ZC3H18: variants seen among roughly 807,000 people sequenced by gnomAD.
ZC3H18 encodes the protein zinc finger CCCH domain-containing protein 18.
A neutral mutation model predicts 106.1 loss-of-function variants in ZC3H18; 8 were observed. The observed-to-expected ratio is 0.08, with a 90% confidence interval of 0.04 to 0.14. The LOEUF (loss-of-function observed/expected upper bound fraction) is 0.14. ZC3H18 is among the 10% of genes least tolerant of loss of function. The pLI is 1.00. For missense variants in ZC3H18, 1,318 were observed against 1,278.4 expected (o/e 1.03, Z -0.47); for synonymous variants, 635 against 522.1 (o/e 1.22, Z -2.95).
At chr16:88,570,638 GGCGGCGGCC>G (rs1914333806) in intron 1 of ZC3H18, 72 bp downstream of exon 1, 1 of 150,486 alleles carries the variant, frequency 6.6e-6, no homozygotes, top group Non-Finnish European at 1.5e-5. Context: ...CCGAGGCGGC[GGCGGCGGCC>G]GCGGGAGGGA....
At chr16:88,597,909 G>C (rs566512227) in intron 3 of ZC3H18, among the ~76,000 whole-genome samples, 3 of 152,358 alleles carry the variant, frequency 2.0e-5, no homozygotes, top group African/African-American at 7.2e-5. Flanking sequence ...TGATACGCGT[G>C]AACTCTCCAC....
Position 88,630,763 on chromosome 16 carries a change from C to CA in ZC3H18, c.2663+182_2663+183insA, listed in dbSNP as rs1567602547. Among the ~76,000 whole-genome samples the CA allele has an allele frequency of 2.2e-4, 25 of 112,772 alleles. 2 individuals are homozygous for CA. The highest frequency in any genetic ancestry group is 4.2e-4 in the African/African-American group (14 of 33,298). 74.0% of individuals were successfully genotyped at this position (112,772 alleles called of 152,430 possible). A position where few individuals can be genotyped will look rare whatever the true frequency, so the allele number is the denominator to read the frequency against. On this transcript the variant is annotated intron_variant, in intron 17 of 17. Coordinates refer to ENST00000301011, the MANE Select transcript of ZC3H18 (RefSeq NM_144604.4). ...ATTGCAGCCCCACCCCCCACCCCCC[C>CA]CCACACACACACACACGCTCCTGCC...
intron 2 of ZC3H18, among the ~76,000 whole-genome samples, chr16:88,579,556 G>A (rs974065769): frequency 5.3e-5 from 8 of 152,168 alleles, no homozygotes; most frequent in African/African-American, 1.9e-4. Flanking sequence ...CGGGCGGTGC[G>A]GTAGATGGGT....
At chr16:88,576,990 G>T in intron 1 of ZC3H18, 120 bp from the exon 2 acceptor site, 1 of 994,616 alleles carries the variant, frequency 1.0e-6, no homozygotes, top group East Asian at 2.6e-5. Context: ...GTGGGATTTG[G>T]GGCAGGGCCG....
intron 3 of ZC3H18, among the ~76,000 whole-genome samples, chr16:88,588,783 G>A (rs563219618): frequency 4.6e-4 from 70 of 152,156 alleles, no homozygotes; most frequent in Non-Finnish European, 3.5e-4. Context: ...GGGGGGTGGG[G>A]GCTGACAGGG....
chr16:88,587,617 C>T (rs1231797953), intron 3 of ZC3H18: 4 of 1,534,418 alleles, frequency 2.6e-6, no homozygotes, highest in Admixed American at 2.0e-5. Context: ...GTTAAAGGTA[C>T]AAAATACGCT....
chr16:88,615,615 C>CAT (rs1290380712), intron 8 of ZC3H18, among the ~76,000 whole-genome samples: 1 of 152,182 alleles, frequency 6.6e-6, no homozygotes, highest in Non-Finnish European at 1.5e-5. Context: ...TCCAGATTCA[C>CAT]AAAATAGGGG....
At chr16:88,602,138 C>T (rs555200024) in intron 6 of ZC3H18, among the ~76,000 whole-genome samples, 74 of 152,334 alleles carry the variant, frequency 4.9e-4, no homozygotes, top group Middle Eastern at 3.4e-3. Flanking sequence ...CCAGCCTTCT[C>T]GGTCCTACCT....
chr16:88,589,673 C>G (rs537815486), intron 3 of ZC3H18, among the ~76,000 whole-genome samples: 1 of 150,668 alleles, frequency 6.6e-6, no homozygotes, highest in African/African-American at 2.5e-5. Context: ...TCCACAGAGA[C>G]AGAAAGTAGA....
rs1476387826 is a variant in ZC3H18 at position 88,625,233 on chromosome 16, G to GGTAGCA, written c.2076_2081dup (p.Ser693_Ser694dup). ...GCTAAGCGGCAGCGGCAGTGGCAGTGGTAGCAGCTATAGTGGTTCCAGCTC... is the reference window on the plus strand; with the variant it reads ...GCTAAGCGGCAGCGGCAGTGGCAGTGGTAGCAGTAGCAGCTATAGTGGTTCCAGCTC... On this transcript the variant is annotated inframe_insertion, in exon 13 of 18. Coordinates refer to ENST00000301011, the MANE Select transcript of ZC3H18 (RefSeq NM_144604.4). The GGTAGCA allele has an allele frequency of 1.3e-6, 2 of 1,593,524 alleles. No individual in the cohort carries two copies. The highest frequency in any genetic ancestry group is 1.7e-6 in the Non-Finnish European group (2 of 1,170,356).
Position 88,631,125 on chromosome 16 carries a change from C to G in ZC3H18, c.2688C>G (p.Ser896=). Residue 896 remains serine, a synonymous_variant, in exon 18 of 18, where the codon TCC becomes TCG. Coordinates refer to ENST00000301011, the MANE Select transcript of ZC3H18 (RefSeq NM_144604.4). ...GGAAGCGCCAGCTGTCACCCCAGTC[C>G]AAGAGCTCCAGCAAGGTCACGAGCG... ...ADRKRQLSPQ[S]KSSSKVTSVP... 1 of 1,612,804 alleles carries G rather than the reference C, an allele frequency of 6.2e-7. No individual in the cohort carries two copies. Among genetic ancestry groups the G allele is most frequent in the Non-Finnish European group, 8.5e-7 (1 of 1,180,006 alleles).
chr16:88,585,018 G>T (rs1046726500), intron 2 of ZC3H18, among the ~76,000 whole-genome samples: 2 of 152,214 alleles, frequency 1.3e-5, no homozygotes, highest in African/African-American at 4.8e-5. Flanking sequence ...AGAATACCAC[G>T]TTGAGATTTT....
At chr16:88,593,229 A>C (rs577631702) in intron 3 of ZC3H18, among the ~76,000 whole-genome samples, 3 of 152,154 alleles carry the variant, frequency 2.0e-5, no homozygotes, top group Admixed American at 2.0e-4. Flanking sequence ...CCAATGCGTC[A>C]GAAGGAAGGT....
intron 1 of ZC3H18, among the ~76,000 whole-genome samples, chr16:88,572,934 T>C (rs747058679): frequency 1.3e-5 from 2 of 151,972 alleles, no homozygotes; most frequent in South Asian, 2.1e-4. Context: ...ATTTTTGTAT[T>C]TTTAGTAGAG....
chr16:88,600,990 G>A (rs917929608), intron 6 of ZC3H18, among the ~76,000 whole-genome samples: 3 of 152,214 alleles, frequency 2.0e-5, no homozygotes, highest in Admixed American at 2.0e-4. Flanking sequence ...AATAAACGGT[G>A]CTCAAAAAAG....
chr16:88,597,111 C>T (rs562736177), intron 3 of ZC3H18, among the ~76,000 whole-genome samples: 59 of 152,220 alleles, frequency 3.9e-4, no homozygotes, highest in African/African-American at 1.3e-3. Flanking sequence ...TTAGTAGAGA[C>T]GGGGTTTCAC....
In ZC3H18 at chr16:88,577,723, A is replaced by G. The variant is rs763678102; in HGVS notation, c.600A>G (p.Ile200Met). The G allele has an allele frequency of 1.2e-6, 2 of 1,613,228 alleles. No individual in the cohort carries two copies. The highest frequency in any genetic ancestry group is 1.7e-6 in the Non-Finnish European group (2 of 1,180,032). ...ATGGAGAAATCGATGATGGGGAAATAGACGTGAGTATGATGGAGCAGAGCG... is the reference window on the plus strand; with the variant it reads ...ATGGAGAAATCGATGATGGGGAAATGGACGTGAGTATGATGGAGCAGAGCG... ...DDDGEIDDGE[I>M]DDDDLEEGEV... The change falls in exon 2 of 18, where the codon ATA (isoleucine) becomes ATG (methionine). Residue 200 changes from isoleucine to methionine, a missense_variant. Transcript: ENST00000301011.
chr16:88,630,622 G>A (rs757901480), intron 17 of ZC3H18, 41 bp downstream of exon 17: 3 of 1,544,126 alleles, frequency 1.9e-6, no homozygotes, highest in Non-Finnish European at 2.6e-6. Flanking sequence ...CACCGAGGGG[G>A]CCAGCCCCAG....
intron 2 of ZC3H18, among the ~76,000 whole-genome samples, chr16:88,581,220 T>C (rs1260918913): frequency 2.0e-5 from 3 of 152,228 alleles, no homozygotes; most frequent in Non-Finnish European, 4.4e-5. Context: ...CAGGCTGGTC[T>C]TGAACTCTTG....
Sources: gnomAD v4.1 joint callset for allele counts (sites outside exome capture counted in the v4.1 genomes callset) on GRCh38, gnomAD v4.1.1 for gene constraint, MANE v1.5 for transcripts, NCBI Gene and HGNC (gene_info 2026-07-23, HGNC 2026-07-21) for gene names.